The following ASGR1 variants were observed in gnomAD, a reference collection of about 807,000 sequenced individuals.
ASGR1 encodes asialoglycoprotein receptor 1, also known as C-type lectin domain family 4 member H1.
A neutral mutation model predicts 33.1 loss-of-function variants in ASGR1; 35 were observed. The ratio of observed to expected loss-of-function variants is 1.06; its 90% CI spans 0.81 to 1.40. The LOEUF is 1.40. Ranked by LOEUF, ASGR1 falls within the 40% of genes most tolerant of loss-of-function variation. The pLI is 0.00. For missense variants in ASGR1, 396 were observed against 373.7 expected, an observed-to-expected ratio of 1.06 and a Z score of -0.49; for synonymous variants, 142 against 152.5, an observed-to-expected ratio of 0.93 and a Z score of 0.51.
At position 7,176,742 on chromosome 17, in the gene ASGR1, CCACA is replaced by C. The variant is rs573334419; in HGVS notation, c.355+84_355+87del. On this transcript the variant is annotated intron_variant, in intron 5 of 8. Coordinates refer to ENST00000269299, the MANE Select transcript of ASGR1 (RefSeq NM_001671.5). ...CACTCCCTCTCATTCTCACACACAT[CCACA>C]CACACTCACACTTTCTCACACACAT... 125 of 1,543,534 alleles carry C rather than the reference CCACA, an allele frequency of 8.1e-5. 2 individuals carry two copies. The South Asian group carries it at 1.1e-3, about 14-fold the overall frequency.
In ASGR1 at chr17:7,173,836, G is replaced by A. The variant is rs772151554; in HGVS notation, c.702-3C>T. On this transcript the variant is annotated splice_polypyrimidine_tract_variant and splice_region_variant and intron_variant, in intron 8 of 8. Transcript: ENST00000269299. The surrounding 1 kb of genome is among the most constrained non-coding windows in gnomAD (Gnocchi z 4.7). ...CCGGCTGCTCCGGCCTCCAGTTCCTGGGGACAGAGCCAGCTGTGGGCCCCA... is the reference window on the plus strand; with the variant it reads ...CCGGCTGCTCCGGCCTCCAGTTCCTAGGGACAGAGCCAGCTGTGGGCCCCA... The A allele has an allele frequency of 6.8e-6, 11 of 1,609,756 alleles. No individual in the cohort carries two copies. Among genetic ancestry groups the A allele is most frequent in the Non-Finnish European group, 7.6e-6 (9 of 1,179,042 alleles).
Position 7,178,486 on chromosome 17 carries a change from G to A in ASGR1, c.70+8C>T, listed in dbSNP as rs2069241643. On this transcript the variant is annotated splice_region_variant and intron_variant, in intron 2 of 8. Transcript: ENST00000269299. The stretch of plus-strand genomic sequence containing the variant: ...CGCCTTGCAGAGGCAGGGCAAGGTG[G>A]CCCTCACCTTTTCTGAGCTGATGGT... 2 of 1,613,352 alleles carry A rather than the reference G, an allele frequency of 1.2e-6. No individual in the cohort carries two copies. The highest frequency in any genetic ancestry group is 2.2e-5 in the South Asian group (2 of 91,072).
rs16956590 is a variant in ASGR1 at position 7,179,368 on chromosome 17, T to C, written c.-204A>G. 3,086 of 152,214 alleles carry C rather than the reference T, an allele frequency of 0.02. 107 individuals carry two copies. The highest frequency in any genetic ancestry group is 0.068 in the African/African-American group (2,795 of 41,398). 9.4% of individuals were successfully genotyped at this position (152,214 alleles called of 1,614,324 possible). ...CGGTGTCTCTGTGTCTGCGTGTCTG[T>C]GTGTCCAAGCACGCCAAACGTGGCA... On this transcript the variant is annotated 5_prime_UTR_variant, in exon 1 of 9. Transcript: ENST00000269299.
rs756399552 is a variant in ASGR1 at position 7,176,995 on chromosome 17, C to G, written c.269G>C (p.Gly90Ala). Residue 90 changes from glycine (G) to alanine (A), a missense_variant, in exon 4 of 9, where the codon GGC becomes GCC. By Grantham distance (60) the Gly-to-Ala change is moderately conservative. Transcript: ENST00000269299. ...AGCGCCCTCACCCTGGGTGCTCAAG[C>G]CCTTGACCTGGGCCTCCGTGCTCGC... is the stretch of plus-strand genomic sequence containing the variant. ...FTASTEAQVK[G>A]LSTQGGNVGR... The G allele has an allele frequency of 1.6e-5, 26 of 1,611,236 alleles. No individual in the cohort carries two copies. The highest frequency in any genetic ancestry group is 2.2e-5 in the Non-Finnish European group (26 of 1,179,706).
chr17:7,174,895 A>G (rs1453908076), intron 5 of ASGR1, among the ~76,000 whole-genome samples: 1 of 149,882 alleles, frequency 6.7e-6, no homozygotes, highest in Non-Finnish European at 1.5e-5. Context: ...GACAACACAT[A>G]AAACACACAA....
At chr17:7,175,741 A>G (rs2069191540) in intron 5 of ASGR1, among the ~76,000 whole-genome samples, 1 of 149,618 alleles carries the variant, frequency 6.7e-6, no homozygotes, top group Admixed American at 6.7e-5. Context: ...TCTCCCACTC[A>G]CAAACACCCA....
rs776318857 is a variant in ASGR1, at chr17:7,176,935, C to T, written c.284-34G>A. 10 of 1,609,118 alleles carry T rather than the reference C, an allele frequency of 6.2e-6. No homozygotes were observed. The South Asian group carries it at 8.8e-5, about 14-fold the overall frequency. On this transcript the variant is annotated intron_variant, in intron 4 of 8. Coordinates refer to ENST00000269299, the MANE Select transcript of ASGR1 (RefSeq NM_001671.5). ...GAGGCTCGCTCAGCGTTCCCGACAG[C>T]CCCCCAGCCCCAGCCCCAGCCCCAG...
At position 7,173,506 on chromosome 17, in the gene ASGR1, G is replaced by C. The variant is rs544431102; in HGVS notation, c.*153C>G. 28 of 1,078,816 alleles carry C rather than the reference G, an allele frequency of 2.6e-5. No individual in the cohort carries two copies. In the Admixed American group the frequency reaches 5.9e-4, roughly 23 times the overall value. The allele number at this position is 1,078,816 out of a possible 1,614,324, so 66.8% of individuals were successfully genotyped here. On this transcript the variant is annotated 3_prime_UTR_variant, in exon 9 of 9. Coordinates refer to ENST00000269299, the MANE Select transcript of ASGR1 (RefSeq NM_001671.5). This position sits in a 1 kb window ranked among gnomAD's most constrained non-coding sequence, Gnocchi z 4.7. ...CCTGCAAACTGCAGAAAGCGCCACG[G>C]GTTTCAAGCTCCTCACCTTCGGAAC...
chr17:7,176,046 T>TCA (rs138787215), intron 5 of ASGR1, among the ~76,000 whole-genome samples: 125,944 of 149,810 alleles, frequency 0.84, 53,339 homozygotes, highest in Non-Finnish European at 0.89. Context: ...ACTCCCTCAT[T>TCA]CACACAGACT....
At chr17:7,176,540 A>G in intron 5 of ASGR1, 1 of 343,424 alleles carries the variant, frequency 2.9e-6, no homozygotes, top group Non-Finnish European at 5.0e-6. Flanking sequence ...CACACACACC[A>G]TCTCATTCTC....
intron 2 of ASGR1, 36 bp downstream of exon 2, chr17:7,178,458 T>G: frequency 6.2e-7 from 1 of 1,600,142 alleles, no homozygotes. Flanking sequence ...ACCGCCAAAT[T>G]CTCGCCTTGC....
In ASGR1 at chr17:7,173,478, T is replaced by A; in HGVS notation, c.*181A>T. The A allele has an allele frequency of 1.3e-6, 1 of 781,522 alleles. No individual in the cohort carries two copies. The highest frequency in any genetic ancestry group is 2.0e-6 in the Non-Finnish European group (1 of 505,678). The allele number at this position is 781,522 out of a possible 1,614,324, so 48.4% of individuals were successfully genotyped here. On this transcript the variant is annotated 3_prime_UTR_variant, in exon 9 of 9. Coordinates refer to ENST00000269299, the MANE Select transcript of ASGR1 (RefSeq NM_001671.5). The surrounding 1 kb of genome is among the most constrained non-coding windows in gnomAD (Gnocchi z 4.7). ...CTTAAAAAAAAAAAGTTCACAATGA[T>A]AACCTGCAAACTGCAGAAAGCGCCA...
rs2069160113 is a variant in ASGR1, at chr17:7,173,665, G to A, written c.870C>T (p.Leu290=). 2 of 1,613,364 alleles carry A rather than the reference G, an allele frequency of 1.2e-6. No individual in the cohort carries two copies. Among genetic ancestry groups the A allele is most frequent in the Middle Eastern group, 1.7e-4 (1 of 5,886 alleles). The change falls in exon 9 of 9, where the codon CTC becomes CTT. Residue 290 remains leucine (L), a synonymous_variant. Transcript: ENST00000269299. The surrounding 1 kb of genome is among the most constrained non-coding windows in gnomAD (Gnocchi z 4.7). ...ELDKASQEPP[L]L The stretch of plus-strand genomic sequence containing the variant: ...GAGGCATTGAAGAAATAAATTAAAG[G>A]AGAGGTGGCTCCTGGCTGGCCTTGT...
chr17:7,176,750 A>G (rs12945299), intron 5 of ASGR1, 80 bp downstream of exon 5: 304,072 of 1,557,654 alleles, frequency 0.2, 31,281 homozygotes, highest in East Asian at 0.33. Context: ...ATCCACACAC[A>G]CTCACACTTT....
chr17:7,176,060 ACACC>A (rs2069199150), intron 5 of ASGR1, among the ~76,000 whole-genome samples: 2 of 146,712 alleles, frequency 1.4e-5, no homozygotes, highest in Admixed American at 1.4e-4. Flanking sequence ...ACAGACTCAC[ACACC>A]CATCCACTCC....
At chr17:7,177,168 C>T (rs761149848) in intron 3 of ASGR1, 42 bp downstream of exon 3, 4 of 1,613,026 alleles carry the variant, frequency 2.5e-6, no homozygotes, top group Middle Eastern at 1.6e-4. Context: ...CCCCCGTCAA[C>T]ACCCCCCAAT....
At chr17:7,174,333 G>A (rs757140165) in intron 6 of ASGR1, 41 bp downstream of exon 6, 1 of 1,613,782 alleles carries the variant, frequency 6.2e-7, no homozygotes, top group Admixed American at 1.7e-5. Flanking sequence ...GCTGCCCAGA[G>A]AAGGGGGGAG....
In ASGR1 at chr17:7,176,845, TCTG is replaced by T. The variant is rs1313587223; in HGVS notation, c.337_339del (p.Gln113del). ...CCTCTCTGACCTTCACTCAGGTCCTTCTGCTGTTTCTCCAGCTGGGACTCTAGC... is the reference window on the plus strand; with the variant it reads ...CCTCTCTGACCTTCACTCAGGTCCTTCTGTTTCTCCAGCTGGGACTCTAGC... On this transcript the variant is annotated inframe_deletion, in exon 5 of 9. Coordinates refer to ENST00000269299, the MANE Select transcript of ASGR1 (RefSeq NM_001671.5). 1.2e-6 allele frequency: 2 copies of T among 1,612,460 alleles called. No individual in the cohort carries two copies. Among genetic ancestry groups the T allele is most frequent in the African/African-American group, 2.7e-5 (2 of 74,530 alleles).
chr17:7,176,513 A>C (rs2069212221), intron 5 of ASGR1: 7 of 446,400 alleles, frequency 1.6e-5, no homozygotes, highest in African/African-American at 5.7e-5. Flanking sequence ...TCAGACACAC[A>C]CCCCCTCTCA....
Sources: allele counts gnomAD v4.1 joint callset (sites outside exome capture counted in the v4.1 genomes callset), GRCh38; gene constraint gnomAD v4.1.1; non-coding constraint Gnocchi (gnomAD v3.1); transcripts MANE v1.5; gene names NCBI Gene and HGNC (gene_info 2026-07-23, HGNC 2026-07-21).